The following ARHGAP8 variants were observed in gnomAD, a reference collection of about 807,000 sequenced individuals.
The protein encoded by ARHGAP8 is Rho GTPase activating protein 8.
ARHGAP8 carries 62 observed loss-of-function variants against 46.1 expected under a neutral mutation model. That is an observed-to-expected ratio of 1.34 (90% CI 1.10 to 1.66). The LOEUF is 1.66. ARHGAP8 is among the 40% of genes most tolerant of loss of function. ARHGAP8 has a pLI of 0.00. For missense variants in ARHGAP8, 923 were observed against 568.4 expected (o/e 1.62, Z -6.34); for synonymous variants, 375 against 243.1 (o/e 1.54, Z -5.05).
chr22:44,796,177 G>T (rs1160375599), intron 2 of ARHGAP8, among the ~76,000 whole-genome samples: 1 of 152,190 alleles, frequency 6.6e-6, no homozygotes, highest in Non-Finnish European at 1.5e-5. Flanking sequence ...AGGGGTCCCA[G>T]AGCAGACGCT....
intron 11 of ARHGAP8, among the ~76,000 whole-genome samples, chr22:44,861,598 T>G (rs1326298677): frequency 6.6e-6 from 1 of 152,168 alleles, no homozygotes; most frequent in African/African-American, 2.4e-5. Context: ...ATGACCCCTG[T>G]TTCTGACTGA....
rs1470007980 is a variant in ARHGAP8 at position 44,848,046 on chromosome 22, C to A, written c.744C>A (p.Asn248Lys). Residue 248 changes from asparagine (N) to lysine (K), a missense_variant, in exon 9 of 12, where the codon AAC becomes AAA. Asn to Lys is a moderately conservative substitution (Grantham distance 94, BLOSUM62 0). Coordinates refer to ENST00000356099, the MANE Select transcript of ARHGAP8 (RefSeq NM_181335.3). The part of the protein sequence containing the change: ...QTVREIQRLY[N>K]QGKPVNFDDY... ...TCCGCGAGATCCAGAGGCTCTACAA[C>A]CAAGGTGAGGGTGTCCCGCAGTCCT... is the stretch of plus-strand genomic sequence containing the variant. 2 of 1,606,470 alleles carry A rather than the reference C, an allele frequency of 1.2e-6. No homozygotes were observed. Among genetic ancestry groups the A allele is most frequent in the Non-Finnish European group, 1.7e-6 (2 of 1,179,918 alleles).
chr22:44,808,191 TG>T, intron 3 of ARHGAP8, 115 bp from the exon 4 acceptor site: 1 of 1,488,644 alleles, frequency 6.7e-7, no homozygotes, highest in Non-Finnish European at 9.0e-7. Flanking sequence ...GGAGTCTCCA[TG>T]TGGCCCGGTG....
In ARHGAP8 at chr22:44,862,484, G is replaced by C. The variant is rs546444156; in HGVS notation, c.1191G>C (p.Gln397His). ...PGEHGLAPWE[Q>H]GSRAAPLQEA... The stretch of plus-strand genomic sequence containing the variant: ...AGCACGGCCTGGCACCATGGGAACA[G>C]GGGAGCAGGGCAGCCCCTTTGCAGG... The change falls in exon 12 of 12, where the codon CAG becomes CAC. Residue 397 changes from glutamine to histidine, a missense_variant. Coordinates refer to ENST00000356099, the MANE Select transcript of ARHGAP8 (RefSeq NM_181335.3). 6.2e-7 allele frequency: 1 copy of C among 1,612,986 alleles called. No individual in the cohort carries two copies. Among genetic ancestry groups the C allele is most frequent in the African/African-American group, 1.3e-5 (1 of 74,886 alleles).
chr22:44,856,186 T>C (rs183906640), intron 10 of ARHGAP8, among the ~76,000 whole-genome samples: 335 of 151,414 alleles, frequency 2.2e-3, no homozygotes, highest in Non-Finnish European at 3.8e-3. Flanking sequence ...CAATGTGAGG[T>C]TTACAGGCAA....
At chr22:44,799,600 C>CGACA (rs1928338135) in intron 2 of ARHGAP8, among the ~76,000 whole-genome samples, 1 of 152,108 alleles carries the variant, frequency 6.6e-6, no homozygotes, top group African/African-American at 2.4e-5. Context: ...CCACTCCTGA[C>CGACA]GACAGCCTGG....
chr22:44,758,220 G>A (rs1163429039), intron 1 of ARHGAP8, among the ~76,000 whole-genome samples: 1 of 152,180 alleles, frequency 6.6e-6, no homozygotes, highest in Non-Finnish European at 1.5e-5. Context: ...GGAGGCCGAG[G>A]CAGGCAGATC....
chr22:44,840,810 C>T (rs981939249), intron 7 of ARHGAP8, among the ~76,000 whole-genome samples: 1 of 152,186 alleles, frequency 6.6e-6, no homozygotes, highest in African/African-American at 2.4e-5. Flanking sequence ...GCCTCCCGGC[C>T]GCGTCCTCGC....
intron 1 of ARHGAP8, among the ~76,000 whole-genome samples, chr22:44,761,386 A>T (rs1925122546): frequency 6.6e-6 from 1 of 152,238 alleles, no homozygotes; most frequent in Non-Finnish European, 1.5e-5. Context: ...TACTGAATTT[A>T]TACAGACTTT....
chr22:44,784,369 A>C (rs1470985507), intron 1 of ARHGAP8, among the ~76,000 whole-genome samples: 1 of 152,186 alleles, frequency 6.6e-6, no homozygotes, highest in African/African-American at 2.4e-5. Flanking sequence ...ATGCCACTGC[A>C]CTCCAGCCTG....
In ARHGAP8 at chr22:44,795,713, C is replaced by A. The variant is rs1045016382; in HGVS notation, c.80-6364C>A. On this transcript the variant is annotated intron_variant, in intron 2 of 11. Transcript: ENST00000356099. Reference sequence around the variant, plus strand: ...GACCTGCGGAAAAGCTGCCAAAGACCTGCGGTGGCCCATTGTGGCCCACAG... The same window carrying A: ...GACCTGCGGAAAAGCTGCCAAAGACATGCGGTGGCCCATTGTGGCCCACAG... 3.3e-5 allele frequency among the ~76,000 whole-genome samples: 5 copies of A among 152,148 alleles called. No individual in the cohort carries two copies. In the East Asian group the frequency reaches 9.6e-4, roughly 29 times the overall value.
chr22:44,787,321 CTTTGTTTTGTTTTGTTTTGTTTTGT>C (rs150868916), intron 2 of ARHGAP8, among the ~76,000 whole-genome samples: 11 of 150,636 alleles, frequency 7.3e-5, no homozygotes, highest in South Asian at 2.1e-4. Flanking sequence ...TCTTGCGTTG[CTTTGTTTTGTTTTGTTTTGTTTTGT>C]TTTGTTTTGT....
At chr22:44,859,620 T>TA in intron 10 of ARHGAP8, 111 bp from the exon 11 acceptor site, 5 of 1,167,124 alleles carry the variant, frequency 4.3e-6, no homozygotes, top group Middle Eastern at 2.4e-4. Flanking sequence ...AAATGTGGGA[T>TA]AGTCCATCCT....
At chr22:44,824,391 C>T (rs1347307090) in intron 6 of ARHGAP8, among the ~76,000 whole-genome samples, 1 of 152,188 alleles carries the variant, frequency 6.6e-6, no homozygotes, top group Non-Finnish European at 1.5e-5. Context: ...CAGTCCAGTG[C>T]ACCACCTTCT....
intron 2 of ARHGAP8, among the ~76,000 whole-genome samples, chr22:44,801,384 G>A (rs556586772): frequency 8.1e-6 from 1 of 122,748 alleles, no homozygotes; most frequent in East Asian, 2.6e-4. Flanking sequence ...ACCTCTCCCC[G>A]CAGCTGTCCA....
At chr22:44,834,123 G>A (rs35205903) in intron 7 of ARHGAP8, among the ~76,000 whole-genome samples, 1,700 of 151,990 alleles carry the variant, frequency 0.011, 32 homozygotes, top group African/African-American at 0.039. Flanking sequence ...GATGTTCTCT[G>A]TTATTTTCCT....
At chr22:44,798,654 G>A (rs138505090) in intron 2 of ARHGAP8, among the ~76,000 whole-genome samples, 9 of 151,908 alleles carry the variant, frequency 5.9e-5, no homozygotes, top group African/African-American at 2.2e-4. Flanking sequence ...CAAGATCAGC[G>A]CTGCCCAGTG....
intron 10 of ARHGAP8, among the ~76,000 whole-genome samples, chr22:44,856,162 T>C (rs990092799): frequency 1.3e-5 from 2 of 151,774 alleles, no homozygotes; most frequent in Non-Finnish European, 2.9e-5. Flanking sequence ...CCTCCCACAT[T>C]GGGGATTACA....
intron 5 of ARHGAP8, among the ~76,000 whole-genome samples, chr22:44,815,019 C>T (rs1294632587): frequency 6.6e-6 from 1 of 152,194 alleles, no homozygotes; most frequent in Non-Finnish European, 1.5e-5. Context: ...AGCCCCCACA[C>T]TGTGTGACCA....
Sources: gnomAD v4.1 joint callset for allele counts (sites outside exome capture counted in the v4.1 genomes callset) on GRCh38, gnomAD v4.1.1 for gene constraint, MANE v1.5 for transcripts, NCBI Gene and HGNC (gene_info 2026-07-23, HGNC 2026-07-21) for gene names.